DNAH14: variants seen among roughly 807,000 people sequenced by gnomAD.
The protein encoded by DNAH14 is dynein axonemal heavy chain 14, also known as axonemal beta dynein heavy chain 14.
In DNAH14, 478 loss-of-function variants were observed where a neutral mutation model predicts 520.9. That is an observed-to-expected ratio of 0.92 (90% confidence interval 0.85 to 0.99). The LOEUF is 0.99. DNAH14 is among the 50% of genes least tolerant of loss of function. DNAH14 has a pLI of 0.00. For missense variants in DNAH14, 4,831 were observed against 5,234.5 expected, an observed-to-expected ratio of 0.92 and a Z score of 2.38; for synonymous variants, 1,581 against 1,757.2, an observed-to-expected ratio of 0.90 and a Z score of 2.51.
chr1:225,042,548 A>G (rs2067575821), intron 12 of DNAH14, among the ~76,000 whole-genome samples: 1 of 152,130 alleles, frequency 6.6e-6, no homozygotes, highest in African/African-American at 2.4e-5. Context: ...TGGGGATAGG[A>G]CCTAAGAATT....
intron 8 of DNAH14, 29 bp from the exon 9 acceptor site, chr1:225,002,754 T>C (rs1303480786): frequency 6.5e-7 from 1 of 1,539,518 alleles, no homozygotes; most frequent in South Asian, 1.2e-5. Context: ...GAATGAGAGA[T>C]ATATCTGTAG....
chr1:224,936,203 GAAAT>G (rs962180970), intron 1 of DNAH14, among the ~76,000 whole-genome samples: 3 of 151,432 alleles, frequency 2.0e-5, no homozygotes, highest in African/African-American at 7.3e-5. Context: ...TAGAAGAAAA[GAAAT>G]AATAAAGATC....
At chr1:225,372,268 A>G (rs2095627937) in intron 77 of DNAH14, among the ~76,000 whole-genome samples, 1 of 152,208 alleles carries the variant, frequency 6.6e-6, no homozygotes, top group African/African-American at 2.4e-5. Context: ...ATGCTGAAGA[A>G]TAAGCTAGGA....
intron 11 of DNAH14, among the ~76,000 whole-genome samples, chr1:225,029,494 G>T (rs2066374356): frequency 6.6e-6 from 1 of 151,980 alleles, no homozygotes. Flanking sequence ...TAACTTGTCA[G>T]ATACTTTGTT....
chr1:224,995,048 T>C (rs2063306196), intron 8 of DNAH14, among the ~76,000 whole-genome samples: 1 of 152,142 alleles, frequency 6.6e-6, no homozygotes, highest in African/African-American at 2.4e-5. Flanking sequence ...TTTTAATAGA[T>C]TTGTCTTAAT....
At position 225,027,488 on chromosome 1, in the gene DNAH14, T is replaced by C. The variant is rs904570004; in HGVS notation, c.1358+3623T>C. On this transcript the variant is annotated intron_variant, in intron 11 of 85. Coordinates refer to ENST00000682510, the MANE Select transcript of DNAH14 (RefSeq NM_001367479.1). ...CTACCTGAGACTAGGTAATTTATAA[T>C]GAGAAGAGGTCTGATTGGCTCATGG... 4.6e-5 allele frequency among the ~76,000 whole-genome samples: 7 copies of C among 152,126 alleles called. No homozygotes were observed. In the East Asian group the frequency reaches 5.8e-4, roughly 13 times the overall value.
chr1:225,167,806 G>C, intron 35 of DNAH14, 133 bp from the exon 36 acceptor site: 1 of 490,846 alleles, frequency 2.0e-6, no homozygotes, highest in Non-Finnish European at 3.6e-6. Flanking sequence ...ACAGAGGTTG[G>C]TGAACTAAAA....
chr1:225,213,027 T>C (rs1385147491), intron 41 of DNAH14, among the ~76,000 whole-genome samples: 1 of 152,136 alleles, frequency 6.6e-6, no homozygotes, highest in Non-Finnish European at 1.5e-5. Flanking sequence ...TCTTCTAGAG[T>C]TTTTATGGTT....
intron 8 of DNAH14, among the ~76,000 whole-genome samples, chr1:225,000,739 A>G (rs1334969174): frequency 6.6e-6 from 1 of 151,518 alleles, no homozygotes; most frequent in Admixed American, 6.6e-5. Flanking sequence ...TTTTTCTGTC[A>G]GTTCACTGAT....
At chr1:225,025,337 T>TAC (rs1010992213) in intron 11 of DNAH14, among the ~76,000 whole-genome samples, 30 of 150,512 alleles carry the variant, frequency 2.0e-4, no homozygotes, top group Non-Finnish European at 4.0e-4. Context: ...ATCTCAAATA[T>TAC]ATATATATAT....
intron 64 of DNAH14, among the ~76,000 whole-genome samples, chr1:225,330,586 T>C (rs549365730): frequency 2.0e-5 from 3 of 152,290 alleles, no homozygotes; most frequent in African/African-American, 7.2e-5. Context: ...TCTCACTTAT[T>C]TGTGGGATCG....
chr1:225,206,138 G>A lies in DNAH14; in HGVS notation c.6145G>A (p.Ala2049Thr), dbSNP rs767182969. The A allele has an allele frequency of 6.4e-6, 10 of 1,551,384 alleles. No homozygotes were observed. Among genetic ancestry groups the A allele is most frequent in the Non-Finnish European group, 7.8e-6 (9 of 1,146,810 alleles). The change falls in exon 40 of 86, where the codon GCC becomes ACC. Residue 2049 changes from alanine (A) to threonine (T), a missense_variant. Coordinates refer to ENST00000682510, the MANE Select transcript of DNAH14 (RefSeq NM_001367479.1). ...VIFEVDNLSQ[A>T]SPATVSRCAM... ...TTTTGAAGTGGACAATCTCTCTCAG[G>A]CCAGTCCTGCTACTGTCAGCCGATG... is the stretch of plus-strand genomic sequence containing the variant.
intron 64 of DNAH14, among the ~76,000 whole-genome samples, chr1:225,330,607 A>G (rs2094775436): frequency 6.6e-6 from 1 of 152,174 alleles, no homozygotes; most frequent in East Asian, 1.9e-4. Flanking sequence ...AAAAATCAAA[A>G]CAATTGAACT....
At chr1:225,250,741 A>G (rs2092509661) in intron 43 of DNAH14, 1 of 506,118 alleles carries the variant, frequency 2.0e-6, no homozygotes, top group African/African-American at 2.0e-5. Flanking sequence ...TGCAGGAAGG[A>G]ATGGGCAAAG....
Position 224,964,476 on chromosome 1 carries a change from C to G in DNAH14, c.368-3C>G, listed in dbSNP as rs1389742624. On this transcript the variant is annotated splice_region_variant and splice_polypyrimidine_tract_variant and intron_variant, in intron 4 of 85. Coordinates refer to ENST00000682510, the MANE Select transcript of DNAH14 (RefSeq NM_001367479.1). Reference sequence around the variant, plus strand: ...ACTGGATTTTTAAATTGTTCTATACCAGAACCAAAAGATGATGATGTGATA... The same window carrying G: ...ACTGGATTTTTAAATTGTTCTATACGAGAACCAAAAGATGATGATGTGATA... The G allele has an allele frequency of 1.9e-6, 3 of 1,605,644 alleles. No individual in the cohort carries two copies. Among genetic ancestry groups the G allele is most frequent in the Non-Finnish European group, 2.6e-6 (3 of 1,175,594 alleles).
At chr1:225,322,868 G>T (rs1309027468) in intron 62 of DNAH14, 45 bp downstream of exon 62, 4 of 1,480,556 alleles carry the variant, frequency 2.7e-6, no homozygotes, top group Non-Finnish European at 3.6e-6. Flanking sequence ...TTTACAGTCT[G>T]TGGGATCAAA....
At chr1:225,111,755 G>A (rs2076496891) in intron 23 of DNAH14, among the ~76,000 whole-genome samples, 1 of 151,382 alleles carries the variant, frequency 6.6e-6, no homozygotes. Context: ...GATTTTCTTT[G>A]GTGGCATTTT....
chr1:225,137,330 T>A (rs2079032875), intron 27 of DNAH14, among the ~76,000 whole-genome samples: 2 of 152,002 alleles, frequency 1.3e-5, no homozygotes, highest in Admixed American at 1.3e-4. Context: ...GGGTCTTTTT[T>A]TGTTGATGTT....
At chr1:225,343,787 TG>T (rs202190120) in intron 69 of DNAH14, among the ~76,000 whole-genome samples, 13,146 of 124,454 alleles carry the variant, frequency 0.11, 626 homozygotes, top group Middle Eastern at 0.15. Flanking sequence ...CTTCTGTATC[TG>T]TTTTTTTTGT....
Sources: allele counts gnomAD v4.1 joint callset (sites outside exome capture counted in the v4.1 genomes callset), GRCh38; gene constraint gnomAD v4.1.1; transcripts MANE v1.5; gene names NCBI Gene and HGNC (gene_info 2026-07-23, HGNC 2026-07-21).